The following CERS3 variants were observed in gnomAD, a reference collection of about 807,000 sequenced individuals.
CERS3 encodes the protein ceramide synthase 3.
CERS3 carries 33 observed loss-of-function variants against 50.3 expected under a neutral mutation model. That is an observed-to-expected ratio of 0.66 (90% CI 0.50 to 0.88). The LOEUF (loss-of-function observed/expected upper bound fraction) is 0.88, where lower values mean the gene tolerates loss of function less well. Among genes scored for constraint, CERS3 ranks in the 40% least tolerant of loss-of-function variants. CERS3 has a pLI of 0.00. For missense variants in CERS3, 470 were observed against 460.3 expected (o/e 1.02, Z -0.19); for synonymous variants, 176 against 155.2 (o/e 1.13, Z -0.99).
intron 10 of CERS3, among the ~76,000 whole-genome samples, chr15:100,466,840 C>CCTCTCTCTCTCT (rs1555528082): frequency 7.1e-5 from 2 of 28,312 alleles, no homozygotes; most frequent in African/African-American, 1.1e-4. Context: ...TCCCTCTCTC[C>CCTCTCTCTCTCT]CTCTCTCTTT....
intron 11 of CERS3, among the ~76,000 whole-genome samples, chr15:100,405,965 G>A (rs1000201482): frequency 2.6e-5 from 4 of 152,202 alleles, no homozygotes; most frequent in African/African-American, 4.8e-5. Context: ...TAATTAGAAT[G>A]TTTTCTATTT....
intron 11 of CERS3, among the ~76,000 whole-genome samples, chr15:100,420,767 G>C (rs927757660): frequency 6.6e-6 from 1 of 151,880 alleles, no homozygotes; most frequent in Non-Finnish European, 1.5e-5. Flanking sequence ...GGGATGCAAG[G>C]CTGGTTCAAT....
At chr15:100,518,461 G>C (rs902506875) in intron 2 of CERS3, among the ~76,000 whole-genome samples, 1 of 152,174 alleles carries the variant, frequency 6.6e-6, no homozygotes, top group Non-Finnish European at 1.5e-5. Flanking sequence ...TGAATTTACA[G>C]ATACTTCACT....
chr15:100,501,248 G>A (rs2035987194), intron 3 of CERS3, among the ~76,000 whole-genome samples: 1 of 152,104 alleles, frequency 6.6e-6, no homozygotes, highest in Admixed American at 6.5e-5. Flanking sequence ...AGACTTTAAT[G>A]AGCCATTTTT....
intron 11 of CERS3, among the ~76,000 whole-genome samples, chr15:100,421,781 G>C (rs1217308410): frequency 7.6e-6 from 1 of 131,310 alleles, no homozygotes; most frequent in African/African-American, 2.9e-5. Flanking sequence ...ATAATGCCGC[G>C]TATCTACAAC....
intron 11 of CERS3, among the ~76,000 whole-genome samples, chr15:100,441,967 T>C (rs573907123): frequency 6.6e-6 from 1 of 152,080 alleles, no homozygotes; most frequent in East Asian, 1.9e-4. Flanking sequence ...AGGTCCCAAT[T>C]CTTCCTCAGC....
At chr15:100,416,685 A>C (rs2031937283) in intron 11 of CERS3, among the ~76,000 whole-genome samples, 1 of 152,126 alleles carries the variant, frequency 6.6e-6, no homozygotes, top group Admixed American at 6.5e-5. Context: ...TCTCATGAGA[A>C]CTCACTATCA....
At chr15:100,501,201 T>G (rs2035985798) in intron 3 of CERS3, among the ~76,000 whole-genome samples, 1 of 152,250 alleles carries the variant, frequency 6.6e-6, no homozygotes, top group Non-Finnish European at 1.5e-5. Context: ...TAAATAAACC[T>G]TTAAAATAAG....
intron 2 of CERS3, chr15:100,503,699 C>T (rs541617346): frequency 3.3e-4 from 154 of 470,918 alleles, no homozygotes; most frequent in South Asian, 2.3e-3. Context: ...TTGCTTCACC[C>T]GGGCACATGC....
intron 11 of CERS3, among the ~76,000 whole-genome samples, chr15:100,447,850 A>T (rs2034000619): frequency 1.3e-5 from 2 of 152,214 alleles, no homozygotes; most frequent in African/African-American, 4.8e-5. Context: ...GGATTATCTT[A>T]TTCATCTCTG....
chr15:100,420,513 A>T, intron 11 of CERS3, among the ~76,000 whole-genome samples: 1 of 152,040 alleles, frequency 6.6e-6, no homozygotes, highest in African/African-American at 2.4e-5. Context: ...ACAAGGAGGA[A>T]CTGGTACCAT....
At chr15:100,441,949 G>C (rs533940719) in intron 11 of CERS3, among the ~76,000 whole-genome samples, 2 of 151,826 alleles carry the variant, frequency 1.3e-5, no homozygotes, top group African/African-American at 4.8e-5. Flanking sequence ...TCCTCACCAG[G>C]CTGAGCTAGG....
intron 2 of CERS3, among the ~76,000 whole-genome samples, chr15:100,516,405 A>G (rs2036489822): frequency 6.6e-6 from 1 of 152,174 alleles, no homozygotes; most frequent in Non-Finnish European, 1.5e-5. Flanking sequence ...ATATCTCTGA[A>G]TCTTTGTTTA....
chr15:100,500,352 G>A (rs1457268257), intron 3 of CERS3: 1 of 152,202 alleles, frequency 6.6e-6, no homozygotes, highest in Non-Finnish European at 1.5e-5. Flanking sequence ...GAGAGGGTTG[G>A]ATTCCTTCCT....
chr15:100,438,036 C>CTTTTTTTTTT (rs10712821), intron 11 of CERS3: 2 of 102,002 alleles, frequency 2.0e-5, no homozygotes, highest in Non-Finnish European at 3.6e-5. Context: ...TATGTACCCA[C>CTTTTTTTTTT]TTTTTTTTTT....
chr15:100,504,162 G>A (rs909412225), intron 2 of CERS3, among the ~76,000 whole-genome samples: 1 of 151,724 alleles, frequency 6.6e-6, no homozygotes, highest in Non-Finnish European at 1.5e-5. Context: ...CCACCATTCG[G>A]AGAAGTGCTA....
chr15:100,474,163 TAG>T (rs1596724255), intron 8 of CERS3, among the ~76,000 whole-genome samples: 1 of 152,288 alleles, frequency 6.6e-6, no homozygotes, highest in East Asian at 1.9e-4. Context: ...CTAAATGGTA[TAG>T]AGTTTCTTCT....
chr15:100,484,512 G>A, intron 5 of CERS3, 38 bp downstream of exon 5: 1 of 1,382,754 alleles, frequency 7.2e-7, no homozygotes, highest in Non-Finnish European at 1.0e-6. Context: ...CTCCAGATAG[G>A]ACGGCAGCAT....
At chr15:100,403,849 C>T (rs1349871487) in intron 11 of CERS3, among the ~76,000 whole-genome samples, 1 of 151,096 alleles carries the variant, frequency 6.6e-6, no homozygotes, top group African/African-American at 2.4e-5. Context: ...ACAATCACTT[C>T]CAGAAAATAG....
Sources: gnomAD v4.1 joint callset for allele counts (sites outside exome capture counted in the v4.1 genomes callset) on GRCh38, gnomAD v4.1.1 for gene constraint, MANE v1.5 for transcripts, NCBI Gene and HGNC (gene_info 2026-07-23, HGNC 2026-07-21) for gene names.